ZNF644: variants seen among roughly 807,000 people sequenced by gnomAD.
The protein encoded by ZNF644 is zinc finger motif enhancer binding protein 2.
ZNF644 carries 20 observed loss-of-function variants against 108.0 expected under a neutral mutation model. The ratio of observed to expected loss-of-function variants is 0.19; its 90% confidence interval spans 0.13 to 0.27. ZNF644 has a LOEUF of 0.27. Among genes scored for constraint, ZNF644 ranks in the 10% least tolerant of loss-of-function variants. The probability of loss-of-function intolerance (pLI) is 1.00; values close to 1 mark genes in which losing one functional copy is unlikely to be tolerated. For missense variants in ZNF644, 1,338 were observed against 1,548.9 expected, an observed-to-expected ratio of 0.86 and a Z score of 2.29; for synonymous variants, 542 against 539.1, an observed-to-expected ratio of 1.01 and a Z score of -0.08.
rs1651900511 is a variant in ZNF644 at position 90,940,926 on chromosome 1, G to T, written c.428C>A (p.Pro143His). The change falls in exon 3 of 6, where the codon CCT (proline) becomes CAT (histidine). Residue 143 changes from proline (P) to histidine (H), a missense_variant. Around this residue, in one of 6 missense-constraint regions of ZNF644, gnomAD observed 464 missense variants for 457.9 expected, o/e 1.01. Transcript: ENST00000337393. ...KGSVSLTTGQPVDQPTTESCS... is the reference protein window; with the variant it reads ...KGSVSLTTGQHVDQPTTESCS... ...AGATTCTGTTGTTGGCTGATCCACAGGCTGTCCAGTGGTTAATGAAACACT... is the reference window on the plus strand; with the variant it reads ...AGATTCTGTTGTTGGCTGATCCACATGCTGTCCAGTGGTTAATGAAACACT... The T allele has an allele frequency of 6.2e-7, 1 of 1,614,102 alleles. No homozygotes were observed. The highest frequency in any genetic ancestry group is 8.5e-7 in the Non-Finnish European group (1 of 1,179,988).
At chr1:91,007,906 A>G (rs1317139725) in intron 1 of ZNF644, among the ~76,000 whole-genome samples, 1 of 152,176 alleles carries the variant, frequency 6.6e-6, no homozygotes, top group Non-Finnish European at 1.5e-5. Flanking sequence ...AGATTGAGGC[A>G]CTTAAAAGTT....
intron 1 of ZNF644, among the ~76,000 whole-genome samples, chr1:91,009,301 TTC>T (rs1342361236): frequency 2.0e-5 from 3 of 152,116 alleles, no homozygotes; most frequent in Non-Finnish European, 4.4e-5. Flanking sequence ...GTTCCCAAGC[TTC>T]TGTTCTATTT....
chr1:90,963,355 C>G (rs902033369), intron 2 of ZNF644, among the ~76,000 whole-genome samples: 1 of 152,064 alleles, frequency 6.6e-6, no homozygotes, highest in South Asian at 2.1e-4. Context: ...AGTGAGGATA[C>G]AGAGCAACAG....
intron 2 of ZNF644, among the ~76,000 whole-genome samples, chr1:90,959,572 T>C (rs1346348235): frequency 6.6e-6 from 1 of 152,086 alleles, no homozygotes; most frequent in Admixed American, 6.6e-5. Context: ...CATAAAGAAA[T>C]GAAGCACATG....
At chr1:90,937,360 T>TA (rs76869597) in intron 4 of ZNF644, 125 bp downstream of exon 4, 220,585 of 1,021,788 alleles carry the variant, frequency 0.22, 2,076 homozygotes, top group South Asian at 0.25. Flanking sequence ...CTGTGCTCTG[T>TA]AAAAAAAAAA....
intron 2 of ZNF644, among the ~76,000 whole-genome samples, chr1:90,981,299 A>G (rs1443580387): frequency 1.3e-5 from 2 of 152,132 alleles, no homozygotes; most frequent in African/African-American, 4.8e-5. Flanking sequence ...AACGATCAAT[A>G]AGGTATGACA....
intron 1 of ZNF644, among the ~76,000 whole-genome samples, chr1:91,000,413 C>T (rs1405204792): frequency 1.3e-5 from 2 of 152,114 alleles, no homozygotes; most frequent in Non-Finnish European, 2.9e-5. Flanking sequence ...TACATGGAAA[C>T]TGAACAACCT....
intron 1 of ZNF644, among the ~76,000 whole-genome samples, chr1:91,008,333 C>G (rs1659637862): frequency 6.6e-6 from 1 of 152,138 alleles, no homozygotes; most frequent in Non-Finnish European, 1.5e-5. Context: ...CCTGCAGCCA[C>G]CAATTCCTGA....
intron 1 of ZNF644, among the ~76,000 whole-genome samples, chr1:90,991,368 C>T (rs556114811): frequency 5.3e-5 from 8 of 152,252 alleles, no homozygotes; most frequent in Middle Eastern, 3.4e-3. Flanking sequence ...AAAGTTTCAC[C>T]ATTTCTTAAA....
intron 2 of ZNF644, among the ~76,000 whole-genome samples, chr1:90,941,788 T>C (rs537396026): frequency 5.9e-5 from 9 of 152,288 alleles, no homozygotes; most frequent in Non-Finnish European, 8.8e-5. Context: ...AAGTAAAAGA[T>C]TTGTCACTTA....
chr1:91,005,358 G>A (rs1349131008), intron 1 of ZNF644, among the ~76,000 whole-genome samples: 1 of 152,006 alleles, frequency 6.6e-6, no homozygotes, highest in Non-Finnish European at 1.5e-5. Context: ...TTGAAAGGCA[G>A]AATATAATTC....
At chr1:90,972,503 TG>T (rs1159839359) in intron 2 of ZNF644, among the ~76,000 whole-genome samples, 1 of 152,208 alleles carries the variant, frequency 6.6e-6, no homozygotes, top group Non-Finnish European at 1.5e-5. Context: ...CAGGAACATT[TG>T]TGCACTGTTG....
intron 1 of ZNF644, among the ~76,000 whole-genome samples, chr1:91,013,415 T>C (rs1660138038): frequency 6.6e-6 from 1 of 151,310 alleles, no homozygotes; most frequent in African/African-American, 2.4e-5. Context: ...GAGACACGAA[T>C]TAGGCACCCT....
At chr1:90,960,412 C>T (rs559352547) in intron 2 of ZNF644, among the ~76,000 whole-genome samples, 1 of 152,184 alleles carries the variant, frequency 6.6e-6, no homozygotes, top group East Asian at 1.9e-4. Context: ...TGAACAGAAA[C>T]GTGTCTGACT....
chr1:90,970,061 A>C (rs1380073139), intron 2 of ZNF644, among the ~76,000 whole-genome samples: 1 of 152,246 alleles, frequency 6.6e-6, no homozygotes, highest in African/African-American at 2.4e-5. Flanking sequence ...AGATGTGAGC[A>C]GAATACCAGT....
chr1:90,945,768 C>T (rs1481092355), intron 2 of ZNF644, among the ~76,000 whole-genome samples: 1 of 152,038 alleles, frequency 6.6e-6, no homozygotes, highest in Non-Finnish European at 1.5e-5. Context: ...AGAAAATTAG[C>T]TTAATTTCAT....
At chr1:90,967,621 A>C (rs1290746511) in intron 2 of ZNF644, among the ~76,000 whole-genome samples, 2 of 152,186 alleles carry the variant, frequency 1.3e-5, no homozygotes, top group Non-Finnish European at 2.9e-5. Context: ...ATAAATGAAT[A>C]AAGCCCTGAT....
At chr1:90,954,956 T>C (rs551309034) in intron 2 of ZNF644, among the ~76,000 whole-genome samples, 21 of 152,366 alleles carry the variant, frequency 1.4e-4, no homozygotes, top group African/African-American at 4.8e-4. Context: ...GGAATCACTC[T>C]AGCTACAGCA....
intron 4 of ZNF644, among the ~76,000 whole-genome samples, chr1:90,930,260 TG>T (rs1650581101): frequency 6.6e-6 from 1 of 152,214 alleles, no homozygotes; most frequent in African/African-American, 2.4e-5. Flanking sequence ...CACTCCAGCC[TG>T]GGCAACTAGA....
Sources: allele counts gnomAD v4.1 joint callset (sites outside exome capture counted in the v4.1 genomes callset), GRCh38; gene constraint gnomAD v4.1.1; regional missense constraint gnomAD v4.1.1; transcripts MANE v1.5; gene names NCBI Gene and HGNC (gene_info 2026-07-23, HGNC 2026-07-21).